The following MECOM variants were observed in gnomAD, a reference collection of about 807,000 sequenced individuals.
The protein encoded by MECOM is MDS1 and EVI1 complex locus.
Under a neutral mutation model 116.3 loss-of-function variants are expected in MECOM, and 13 were observed. The observed-to-expected ratio is 0.11, with a 90% CI of 0.07 to 0.18. The LOEUF is 0.18. MECOM is among the 10% of genes least tolerant of loss of function. The pLI is 1.00. For missense variants in MECOM, 1,299 were observed against 1,509.0 expected, an observed-to-expected ratio of 0.86 and a Z score of 2.31; for synonymous variants, 528 against 535.2, an observed-to-expected ratio of 0.99 and a Z score of 0.19.
At chr3:169,289,254 T>C (rs1340995487) in intron 2 of MECOM, among the ~76,000 whole-genome samples, 1 of 152,206 alleles carries the variant, frequency 6.6e-6, no homozygotes, top group Non-Finnish European at 1.5e-5. Flanking sequence ...AACACAGAGA[T>C]GCTATCTAGC....
At chr3:169,385,309 C>T (rs1733143689) in intron 1 of MECOM, among the ~76,000 whole-genome samples, 1 of 152,076 alleles carries the variant, frequency 6.6e-6, no homozygotes. Flanking sequence ...AGCCTGAATG[C>T]AATTCTGCTT....
At chr3:169,338,404 G>A (rs536860764) in intron 2 of MECOM, among the ~76,000 whole-genome samples, 1 of 152,196 alleles carries the variant, frequency 6.6e-6, no homozygotes, top group East Asian at 1.9e-4. Context: ...GTCAACTCTG[G>A]AGAGCTGGGG....
At chr3:169,638,729 A>G (rs1188111011) in intron 1 of MECOM, among the ~76,000 whole-genome samples, 1 of 152,120 alleles carries the variant, frequency 6.6e-6, no homozygotes, top group African/African-American at 2.4e-5. Flanking sequence ...CACTCCATTT[A>G]TCTCCCTTTT....
intron 2 of MECOM, among the ~76,000 whole-genome samples, chr3:169,236,441 T>C (rs1227037763): frequency 2.6e-5 from 4 of 152,174 alleles, no homozygotes; most frequent in South Asian, 2.1e-4. Context: ...AATGAATACA[T>C]AAATGAATAA....
chr3:169,652,088 T>A (rs1774991084), intron 1 of MECOM, among the ~76,000 whole-genome samples: 1 of 152,058 alleles, frequency 6.6e-6, no homozygotes, highest in Admixed American at 6.5e-5. Context: ...GTGAATCAAG[T>A]CTGAAAAAAT....
chr3:169,295,303 C>T (rs1466972923), intron 2 of MECOM, among the ~76,000 whole-genome samples: 2 of 152,264 alleles, frequency 1.3e-5, no homozygotes, highest in East Asian at 1.9e-4. Flanking sequence ...TACAATAACA[C>T]GTGACTCGAA....
chr3:169,254,737 T>A (rs1756657530), intron 2 of MECOM, among the ~76,000 whole-genome samples: 1 of 152,104 alleles, frequency 6.6e-6, no homozygotes, highest in African/African-American at 2.4e-5. Flanking sequence ...TTTCTTTCAA[T>A]TTTCATGAAG....
intron 11 of MECOM, 23 bp downstream of exon 11, chr3:169,102,036 AG>A: frequency 1.3e-6 from 2 of 1,576,216 alleles, no homozygotes; most frequent in East Asian, 4.5e-5. Context: ...CTGGAAAGTC[AG>A]CCATAATTAA....
At chr3:169,359,456 A>G (rs2149819941) in intron 2 of MECOM, among the ~76,000 whole-genome samples, 1 of 151,856 alleles carries the variant, frequency 6.6e-6, no homozygotes, top group East Asian at 1.9e-4. Flanking sequence ...AAGTGACATC[A>G]TATACCACCT....
At chr3:169,549,843 T>G (rs1385914260) in intron 1 of MECOM, among the ~76,000 whole-genome samples, 1 of 152,250 alleles carries the variant, frequency 6.6e-6, no homozygotes, top group Non-Finnish European at 1.5e-5. Context: ...CTCTGGGATG[T>G]GGCGCTGTCC....
intron 2 of MECOM, among the ~76,000 whole-genome samples, chr3:169,169,525 G>C (rs1744092720): frequency 1.3e-5 from 2 of 152,016 alleles, no homozygotes; most frequent in Non-Finnish European, 2.9e-5. Flanking sequence ...TGTTTGCTCT[G>C]ATCTCAGGAG....
chr3:169,122,096 TACATTTTAATTA>T (rs547117127), intron 6 of MECOM, among the ~76,000 whole-genome samples: 137 of 152,326 alleles, frequency 9.0e-4, no homozygotes, highest in Middle Eastern at 3.4e-3. Flanking sequence ...AGAGGCTCTA[TACATTTTAATTA>T]GAACCAAGTC....
chr3:169,121,022 T>C lies in MECOM; in HGVS notation c.1132+34A>G. On this transcript the variant is annotated intron_variant, in intron 7 of 16. Coordinates refer to ENST00000651503, the MANE Select transcript of MECOM (RefSeq NM_004991.4). ...CAGTGCCTTTTGGGGAAGAGACAGA[T>C]GTGGGAAGGAGGGCTGGAGTGTTGA... The C allele has an allele frequency of 3.8e-6, 6 of 1,570,376 alleles. No homozygotes were observed. The South Asian group carries it at 4.8e-5, about 12-fold the overall frequency.
chr3:169,570,348 T>A (rs759636338), intron 1 of MECOM, among the ~76,000 whole-genome samples: 3 of 152,126 alleles, frequency 2.0e-5, no homozygotes, highest in Non-Finnish European at 4.4e-5. Flanking sequence ...CAGTAATTAA[T>A]AGCCTACCAA....
chr3:169,608,390 C>A (rs556724634), intron 1 of MECOM, among the ~76,000 whole-genome samples: 1 of 152,114 alleles, frequency 6.6e-6, no homozygotes, highest in Non-Finnish European at 1.5e-5. Context: ...ATCAGAGTGG[C>A]CTTGAAAGCA....
chr3:169,284,100 C>T (rs1712751902), intron 2 of MECOM, among the ~76,000 whole-genome samples: 2 of 152,180 alleles, frequency 1.3e-5, no homozygotes, highest in African/African-American at 4.8e-5. Flanking sequence ...AGGCTTTGTG[C>T]CCAGTCTTCT....
chr3:169,472,533 AAAAGG>A lies in MECOM; in HGVS notation c.38-91014_38-91010del, dbSNP rs1553863165. Among the ~76,000 whole-genome samples the A allele has an allele frequency of 5.5e-4, 47 of 85,152 alleles. 2 individuals carry two copies. The highest frequency in any genetic ancestry group is 2.7e-3 in the African/African-American group (44 of 16,482). 55.9% of individuals were successfully genotyped at this position (85,152 alleles called of 152,430 possible). On this transcript the variant is annotated intron_variant, in intron 1 of 16. Transcript: ENST00000651503. ...GAAAGGAAAGGAAAGAAAAGAAAAG[AAAAGG>A]AAAGGAAAGGAAAAGAAAAGAGAGG...
At chr3:169,109,361 G>T (rs1726532183) in intron 9 of MECOM, among the ~76,000 whole-genome samples, 1 of 151,752 alleles carries the variant, frequency 6.6e-6, no homozygotes. Context: ...TGAACTAAGA[G>T]AAGACTTTAG....
At chr3:169,087,631 C>T (rs1718259386) in intron 16 of MECOM, among the ~76,000 whole-genome samples, 1 of 151,944 alleles carries the variant, frequency 6.6e-6, no homozygotes, top group Non-Finnish European at 1.5e-5. Context: ...AAACCAAAAA[C>T]CTTGATACTC....
Sources: gnomAD v4.1 joint callset for allele counts (sites outside exome capture counted in the v4.1 genomes callset) on GRCh38, gnomAD v4.1.1 for gene constraint, MANE v1.5 for transcripts, NCBI Gene and HGNC (gene_info 2026-07-23, HGNC 2026-07-21) for gene names.